PCDHGB3: variants seen among roughly 807,000 people sequenced by gnomAD.
PCDHGB3 encodes protocadherin gamma subfamily B, 3, also known as protocadherin gamma-B3.
A neutral mutation model predicts 59.2 loss-of-function variants in PCDHGB3; 40 were observed. That is an observed-to-expected ratio of 0.68 (90% CI 0.52 to 0.88). The LOEUF (loss-of-function observed/expected upper bound fraction) is 0.88, where lower values mean the gene tolerates loss of function less well. Among genes scored for constraint, PCDHGB3 ranks in the 40% least tolerant of loss-of-function variants. The pLI, the probability that PCDHGB3 is intolerant of heterozygous loss-of-function variation, is 0.00. For missense variants in PCDHGB3, 1,309 were observed against 1,187.9 expected, an observed-to-expected ratio of 1.10 and a Z score of -1.50; for synonymous variants, 581 against 503.6, an observed-to-expected ratio of 1.15 and a Z score of -2.06.
Position 141,412,979 on chromosome 5 carries a change from C to G in PCDHGB3, c.2415+40170C>G, listed in dbSNP as rs2154544283. ...CACCTACTAGGAGAGAAAACGCAGCCAGAGCTCAATCCGGATTCTCAGGGC... is the reference window on the plus strand; with the variant it reads ...CACCTACTAGGAGAGAAAACGCAGCGAGAGCTCAATCCGGATTCTCAGGGC... On this transcript the variant is annotated intron_variant, in intron 1 of 3. Coordinates refer to ENST00000576222, the MANE Select transcript of PCDHGB3 (RefSeq NM_018924.5). 5.5e-6 allele frequency: 3 copies of G among 542,930 alleles called. No individual in the cohort carries two copies. In the East Asian group the frequency reaches 9.2e-5, roughly 17 times the overall value. 33.6% of individuals were successfully genotyped at this position (542,930 alleles called of 1,614,324 possible). A position where few individuals can be genotyped will look rare whatever the true frequency, so the allele number is the denominator to read the frequency against.
intron 2 of PCDHGB3, among the ~76,000 whole-genome samples, chr5:141,497,578 T>C (rs2099778035): frequency 1.3e-5 from 2 of 150,806 alleles, no homozygotes; most frequent in South Asian, 4.2e-4. Context: ...CTTGCTCTGT[T>C]GCCCAAGCTG....
At position 141,487,425 on chromosome 5, in the gene PCDHGB3, G is replaced by A. The variant is rs116499036; in HGVS notation, c.2416-7382G>A. ...CTTCCCCCTTCCAATGGGATCCTCCGAATCCAGCTAGGGTCAGATGACCCT... is the reference window on the plus strand; with the variant it reads ...CTTCCCCCTTCCAATGGGATCCTCCAAATCCAGCTAGGGTCAGATGACCCT... On this transcript the variant is annotated intron_variant, in intron 1 of 3. Coordinates refer to ENST00000576222, the MANE Select transcript of PCDHGB3 (RefSeq NM_018924.5). This position sits in a 1 kb window ranked among gnomAD's most constrained non-coding sequence, Gnocchi z 5.0. The A allele has an allele frequency of 1.1e-5, 17 of 1,613,988 alleles. No individual in the cohort carries two copies. The highest frequency in any genetic ancestry group is 1.6e-4 in the Middle Eastern group (1 of 6,084).
intron 1 of PCDHGB3, among the ~76,000 whole-genome samples, chr5:141,470,448 T>C (rs1384666661): frequency 6.6e-6 from 1 of 152,192 alleles, no homozygotes. Flanking sequence ...TTTAATAGCA[T>C]CTTGAATAGG....
In PCDHGB3 at chr5:141,419,577, C is replaced by A. The variant is rs1182305164; in HGVS notation, c.2415+46768C>A. ...CCTGCGCTGGGTCCCGACGGCTCCG[C>A]GCTCTTCGACACAGTGCCGCGGGCC... On this transcript the variant is annotated intron_variant, in intron 1 of 3. Coordinates refer to ENST00000576222, the MANE Select transcript of PCDHGB3 (RefSeq NM_018924.5). 3.1e-6 allele frequency: 5 copies of A among 1,611,732 alleles called. No individual in the cohort carries two copies. The South Asian group carries it at 5.5e-5, about 18-fold the overall frequency.
rs754836894 is a variant in PCDHGB3, at chr5:141,432,969, C to A, written c.2415+60160C>A. 6.2e-7 allele frequency: 1 copy of A among 1,614,148 alleles called. No individual in the cohort carries two copies. Among genetic ancestry groups the A allele is most frequent in the East Asian group, 2.2e-5 (1 of 44,852 alleles). ...GGAGGCGGCTTGACAGGAGCGCCGG[C>A]GTCGCACTTTGTGGGCGTGGACGGG... is the stretch of plus-strand genomic sequence containing the variant. On this transcript the variant is annotated intron_variant, in intron 1 of 3. Coordinates refer to ENST00000576222, the MANE Select transcript of PCDHGB3 (RefSeq NM_018924.5). This position sits in a 1 kb window ranked among gnomAD's most constrained non-coding sequence, Gnocchi z 6.0.
At chr5:141,414,043 G>A in intron 1 of PCDHGB3, 1 of 1,611,348 alleles carries the variant, frequency 6.2e-7, no homozygotes, top group Non-Finnish European at 8.5e-7. Context: ...AAAATTACCT[G>A]ACACGCAATT....
intron 1 of PCDHGB3, chr5:141,427,435 T>C (rs536693959): frequency 2.1e-6 from 1 of 474,160 alleles, no homozygotes; most frequent in African/African-American, 2.0e-5. Flanking sequence ...ACATGCCTCA[T>C]AAACGAAAGA....
Position 141,370,507 on chromosome 5 carries a change from C to G in PCDHGB3, c.113C>G (p.Pro38Arg). ...ALSEPIRYAI[P>R]EELDRGSLVG... ...TCCGAACCGATCCGCTACGCTATTCCCGAGGAGCTGGACAGGGGCTCGCTG... is the reference window on the plus strand; with the variant it reads ...TCCGAACCGATCCGCTACGCTATTCGCGAGGAGCTGGACAGGGGCTCGCTG... The change falls in exon 1 of 4, where the codon CCC becomes CGC. Residue 38 changes from proline (P) to arginine (R), a missense_variant. Physicochemically the swap from Pro to Arg is moderately radical, Grantham distance 103 (BLOSUM62 -2). Transcript: ENST00000576222. The G allele has an allele frequency of 1.2e-6, 2 of 1,613,920 alleles. No homozygotes were observed. Among genetic ancestry groups the G allele is most frequent in the Non-Finnish European group, 1.7e-6 (2 of 1,179,882 alleles).
At chr5:141,427,880 C>G in intron 1 of PCDHGB3, 5 of 1,563,170 alleles carry the variant, frequency 3.2e-6, no homozygotes, top group Non-Finnish European at 3.5e-6. Context: ...CGATGCAGGC[C>G]CACGACCAGG....
chr5:141,393,543 C>T lies in PCDHGB3; in HGVS notation c.2415+20734C>T, dbSNP rs763455922. On this transcript the variant is annotated intron_variant, in intron 1 of 3. Coordinates refer to ENST00000576222, the MANE Select transcript of PCDHGB3 (RefSeq NM_018924.5). ...AAATGACAATGCCCCGGTTTTTCCT[C>T]ACCCGATTTACCGAGTGAAAGTCCT... is the stretch of plus-strand genomic sequence containing the variant. 7 of 1,613,870 alleles carry T rather than the reference C, an allele frequency of 4.3e-6. No individual in the cohort carries two copies. In the Admixed American group the frequency reaches 8.3e-5, roughly 19 times the overall value.
chr5:141,480,407 C>T (rs906445993), intron 1 of PCDHGB3, among the ~76,000 whole-genome samples: 1 of 139,782 alleles, frequency 7.2e-6, no homozygotes, highest in Admixed American at 7.0e-5. Context: ...AGAGTGAGAC[C>T]CTGTCTCAAA....
At chr5:141,418,549 C>A in intron 1 of PCDHGB3, 1 of 1,614,024 alleles carries the variant, frequency 6.2e-7, no homozygotes, top group Non-Finnish European at 8.5e-7. Context: ...AGATAAGAAT[C>A]CTGGTAATAG....
At chr5:141,436,676 G>T (rs1019010328) in intron 1 of PCDHGB3, among the ~76,000 whole-genome samples, 1 of 152,238 alleles carries the variant, frequency 6.6e-6, no homozygotes, top group African/African-American at 2.4e-5. Flanking sequence ...ACCAAAAAAA[G>T]GATTTATATT....
In PCDHGB3 at chr5:141,370,499, C is replaced by T. The variant is rs552448276; in HGVS notation, c.105C>T (p.Tyr35=). 4 of 1,613,946 alleles carry T rather than the reference C, an allele frequency of 2.5e-6. No homozygotes were observed. Among genetic ancestry groups the T allele is most frequent in the Non-Finnish European group, 3.4e-6 (4 of 1,179,878 alleles). The change falls in exon 1 of 4, where the codon TAC becomes TAT. Residue 35 remains tyrosine, a synonymous_variant. Transcript: ENST00000576222. ...LDQALSEPIR[Y]AIPEELDRGS... is the part of the protein sequence containing the mutation. ...AGGCTCTCTCCGAACCGATCCGCTA[C>T]GCTATTCCCGAGGAGCTGGACAGGG...
rs568314069 is a variant in PCDHGB3 at position 141,486,371 on chromosome 5, G to C, written c.2416-8436G>C. 53 of 1,614,138 alleles carry C rather than the reference G, an allele frequency of 3.3e-5. 2 individuals are homozygous for C. The South Asian group carries it at 5.3e-4, about 16-fold the overall frequency. Reference sequence around the variant, plus strand: ...CCACTTGCCATTTGCCCTCAAGTCTGCCTTCAGGAACCAGTTCTCCCTGGT... The same window carrying C: ...CCACTTGCCATTTGCCCTCAAGTCTCCCTTCAGGAACCAGTTCTCCCTGGT... On this transcript the variant is annotated intron_variant, in intron 1 of 3. Transcript: ENST00000576222. The surrounding 1 kb of genome is among the most constrained non-coding windows in gnomAD (Gnocchi z 5.0).
chr5:141,413,456 T>C (rs2095643709), intron 1 of PCDHGB3: 30 of 1,613,982 alleles, frequency 1.9e-5, no homozygotes, highest in South Asian at 2.2e-5. Flanking sequence ...GCGGGCAGGA[T>C]AGACCGGGAG....
chr5:141,408,329 A>G (rs2095085203), intron 1 of PCDHGB3: 1 of 1,613,698 alleles, frequency 6.2e-7, no homozygotes, highest in Admixed American at 1.7e-5. Context: ...GGAGCTGGCC[A>G]AGGGCTCGGT....
chr5:141,413,723 C>G, intron 1 of PCDHGB3: 1 of 1,613,552 alleles, frequency 6.2e-7, no homozygotes, highest in Non-Finnish European at 8.5e-7. Context: ...AAGCACTTCT[C>G]CCTAAGAGTT....
Position 141,423,884 on chromosome 5 carries a change from T to C in PCDHGB3, c.2415+51075T>C, listed in dbSNP as rs1253750785. On this transcript the variant is annotated intron_variant, in intron 1 of 3. Transcript: ENST00000576222. ...TGAAAGTCATTTTTCAATCTTGGCA[T>C]ATTTTCTTTTGATTTCAAAGGGGCC... The C allele has an allele frequency of 6.2e-6, 8 of 1,282,566 alleles. No individual in the cohort carries two copies. In the African/African-American group the frequency reaches 1.2e-4, roughly 20 times the overall value. 79.4% of individuals were successfully genotyped at this position (1,282,566 alleles called of 1,614,324 possible). A position where few individuals can be genotyped will look rare whatever the true frequency, so the allele number is the denominator to read the frequency against.
Sources: gnomAD v4.1 joint callset for allele counts (sites outside exome capture counted in the v4.1 genomes callset) on GRCh38, gnomAD v4.1.1 for gene constraint, Gnocchi (gnomAD v3.1) non-coding constraint, MANE v1.5 for transcripts, NCBI Gene and HGNC (gene_info 2026-07-23, HGNC 2026-07-21) for gene names.